The following FBXO15 variants were observed in gnomAD, a reference collection of about 807,000 sequenced individuals.
FBXO15 encodes the protein F-box only protein 15.
FBXO15 carries 30 observed loss-of-function variants against 49.5 expected under a neutral mutation model. That is an observed-to-expected ratio of 0.61 (90% confidence interval 0.45 to 0.82). FBXO15 has a LOEUF of 0.82. FBXO15 is among the 40% of genes least tolerant of loss of function. The pLI is 0.00. For synonymous variants in FBXO15, 250 were observed against 232.7 expected (o/e 1.07, Z -0.68); for missense variants, 591 against 631.5 (o/e 0.94, Z 0.69).
chr18:74,087,036 A>G (rs1207460128), intron 8 of FBXO15, among the ~76,000 whole-genome samples: 1 of 152,240 alleles, frequency 6.6e-6, no homozygotes, highest in Non-Finnish European at 1.5e-5. Flanking sequence ...TGTTTATACT[A>G]TACTCTTTTA....
intron 5 of FBXO15, among the ~76,000 whole-genome samples, chr18:74,128,353 C>T (rs1978298966): frequency 6.6e-6 from 1 of 150,826 alleles, no homozygotes; most frequent in Non-Finnish European, 1.5e-5. Context: ...AAAAAAGTGT[C>T]TGTATCCAGG....
intron 8 of FBXO15, among the ~76,000 whole-genome samples, chr18:74,116,425 G>A (rs1170716801): frequency 6.6e-6 from 1 of 152,180 alleles, no homozygotes; most frequent in Admixed American, 6.5e-5. Flanking sequence ...TAATAGGATT[G>A]CAATGACTTG....
intron 8 of FBXO15, among the ~76,000 whole-genome samples, chr18:74,092,726 C>T (rs937095108): frequency 3.3e-5 from 5 of 152,206 alleles, no homozygotes; most frequent in Admixed American, 1.3e-4. Context: ...GTTCTTTGAC[C>T]CCCCTCAGGA....
In FBXO15 at chr18:74,147,788, A is replaced by G. The variant is rs1979553298; in HGVS notation, c.-3T>C. ...ATCCGACCGCGTCCAGTCGCCATAGAGACAAGGAGTTCACCACAGGACCGC... is the reference window on the plus strand; with the variant it reads ...ATCCGACCGCGTCCAGTCGCCATAGGGACAAGGAGTTCACCACAGGACCGC... On this transcript the variant is annotated 5_prime_UTR_variant, in exon 1 of 10. Transcript: ENST00000419743. 8 of 1,530,004 alleles carry G rather than the reference A, an allele frequency of 5.2e-6. No individual in the cohort carries two copies. Among genetic ancestry groups the G allele is most frequent in the Non-Finnish European group, 6.1e-6 (7 of 1,141,006 alleles). 94.8% of individuals were successfully genotyped at this position (1,530,004 alleles called of 1,614,324 possible).
Position 74,081,971 on chromosome 18 carries a change from C to T in FBXO15, c.1219G>A (p.Val407Ile), listed in dbSNP as rs1912519645. The T allele has an allele frequency of 1.2e-6, 2 of 1,613,256 alleles. No individual in the cohort carries two copies. Among genetic ancestry groups the T allele is most frequent in the African/African-American group, 1.3e-5 (1 of 74,876 alleles). The change falls in exon 9 of 10, where the codon GTT becomes ATT. Residue 407 changes from valine to isoleucine, a missense_variant. By Grantham distance (29) the Val-to-Ile change is conservative. Coordinates refer to ENST00000419743, the MANE Select transcript of FBXO15 (RefSeq NM_001142958.2). The part of the protein sequence containing the change: ...NREHLPLIGK[V>I]GLSWKTDIFD... ...ATATCAGTTTTCCACGAGAGGCCAA[C>T]TTTTCCAATAAGAGGTAGGTGTTCT...
chr18:74,118,657 T>C (rs1012249827), intron 8 of FBXO15, among the ~76,000 whole-genome samples: 8 of 152,120 alleles, frequency 5.3e-5, no homozygotes, highest in Non-Finnish European at 1.2e-4. Flanking sequence ...TTGGAAGCAA[T>C]TTTTATAGAA....
intron 8 of FBXO15, chr18:74,099,777 T>C (rs964760976): frequency 1.3e-5 from 2 of 152,104 alleles, no homozygotes; most frequent in Admixed American, 6.5e-5. Flanking sequence ...TCTTATATCA[T>C]TAAAACAAAC....
intron 8 of FBXO15, among the ~76,000 whole-genome samples, chr18:74,094,633 T>G (rs142828132): frequency 6.6e-6 from 1 of 152,234 alleles, no homozygotes; most frequent in Admixed American, 6.5e-5. Flanking sequence ...TAAACAGATA[T>G]GCTGTCATCT....
chr18:74,114,988 C>A (rs772687560), intron 8 of FBXO15, among the ~76,000 whole-genome samples: 2 of 152,100 alleles, frequency 1.3e-5, no homozygotes, highest in Non-Finnish European at 2.9e-5. Flanking sequence ...AAGCCTTTCC[C>A]TAGACACAGC....
At chr18:74,122,600 A>C (rs2145187376) in intron 8 of FBXO15, 1 of 152,384 alleles carries the variant, frequency 6.6e-6, no homozygotes, top group Non-Finnish European at 1.5e-5. Flanking sequence ...TATTTGGAAA[A>C]GAATACTTTT....
chr18:74,143,243 T>C (rs1001646399), intron 1 of FBXO15, among the ~76,000 whole-genome samples: 7 of 152,238 alleles, frequency 4.6e-5, no homozygotes, highest in African/African-American at 1.7e-4. Flanking sequence ...CAGCTTTTTG[T>C]CATTGTTTAT....
At chr18:74,133,818 G>A (rs1033955037) in intron 3 of FBXO15, among the ~76,000 whole-genome samples, 1 of 152,120 alleles carries the variant, frequency 6.6e-6, no homozygotes, top group Non-Finnish European at 1.5e-5. Context: ...AAGGAAGGGA[G>A]GTCTGCCAGG....
chr18:74,093,270 G>GC (rs1337424321), intron 8 of FBXO15, among the ~76,000 whole-genome samples: 3 of 150,424 alleles, frequency 2.0e-5, no homozygotes, highest in Non-Finnish European at 4.4e-5. Context: ...CAATGGGGGG[G>GC]GGGTGGCTGC....
rs187999492 is a variant in FBXO15 at position 74,075,086 on chromosome 18, T to C, written c.1264-1356A>G. ...GAGGGCTGCACGCAGAGCTGCTGGG[T>C]GCCCATGCAGCTGCACCATCCTCAG... On this transcript the variant is annotated intron_variant, in intron 9 of 9. Coordinates refer to ENST00000419743, the MANE Select transcript of FBXO15 (RefSeq NM_001142958.2). This position sits in a 1 kb window ranked among gnomAD's most constrained non-coding sequence, Gnocchi z 4.1. Among the ~76,000 whole-genome samples, 13 of 152,276 alleles carry C rather than the reference T, an allele frequency of 8.5e-5. No individual in the cohort carries two copies. The highest frequency in any genetic ancestry group is 2.9e-4 in the African/African-American group (12 of 41,574).
rs1355428696 is a variant in FBXO15, at chr18:74,140,243, G to A, written c.186C>T (p.His62=). The A allele has an allele frequency of 2.6e-6, 4 of 1,551,392 alleles. No individual in the cohort carries two copies. Among genetic ancestry groups the A allele is most frequent in the Non-Finnish European group, 3.5e-6 (4 of 1,146,970 alleles). ...AACAGCAGGAGAAAGAGCTCTCCCA[G>A]TGCTGTCCACCTCCGGCATGGCACC... The part of the protein sequence containing the change: ...ALRCHAGGGQ[H]WESSFSCCSG... Residue 62 remains histidine, a synonymous_variant, in exon 2 of 10, where the codon CAC becomes CAT. Transcript: ENST00000419743.
intron 6 of FBXO15, 105 bp downstream of exon 6, chr18:74,125,870 G>C: frequency 6.9e-7 from 1 of 1,456,714 alleles, no homozygotes. Flanking sequence ...ATTGCAGTTA[G>C]TGAAAAGCTT....
intron 8 of FBXO15, among the ~76,000 whole-genome samples, chr18:74,110,932 A>C (rs1367284445): frequency 1.3e-5 from 2 of 152,220 alleles, no homozygotes; most frequent in Non-Finnish European, 2.9e-5. Flanking sequence ...TAGAACAGCA[A>C]AGAGAAATAA....
At chr18:74,141,216 G>A (rs149517530) in intron 1 of FBXO15, among the ~76,000 whole-genome samples, 1 of 152,142 alleles carries the variant, frequency 6.6e-6, no homozygotes, top group Admixed American at 6.5e-5. Context: ...AAAACCAGTA[G>A]TACTCAGCAG....
At chr18:74,135,909 C>G (rs2145215013) in intron 2 of FBXO15, 43 bp from the exon 3 acceptor site, 1 of 1,520,822 alleles carries the variant, frequency 6.6e-7, no homozygotes, top group Non-Finnish European at 9.0e-7. Flanking sequence ...CAGAGTGGAC[C>G]AGGGCTTAAT....
Sources: allele counts gnomAD v4.1 joint callset (sites outside exome capture counted in the v4.1 genomes callset), GRCh38; gene constraint gnomAD v4.1.1; non-coding constraint Gnocchi (gnomAD v3.1); transcripts MANE v1.5; gene names NCBI Gene and HGNC (gene_info 2026-07-23, HGNC 2026-07-21).